Variants in AMACR observed in about 807,000 individuals in gnomAD.
AMACR encodes alpha-methylacyl-CoA racemase.
In AMACR, 18 loss-of-function variants were observed where a neutral mutation model predicts 22.2. The observed-to-expected ratio is 0.81, with a 90% CI of 0.56 to 1.20. The LOEUF (loss-of-function observed/expected upper bound fraction) is 1.20. AMACR is among the 50% of genes most tolerant of loss of function. AMACR has a pLI of 0.00. For synonymous variants in AMACR, 213 were observed against 191.3 expected, an observed-to-expected ratio of 1.11 and a Z score of -0.94; for missense variants, 499 against 490.6, an observed-to-expected ratio of 1.02 and a Z score of -0.16.
intron 3 of AMACR, among the ~76,000 whole-genome samples, chr5:34,002,892 A>T (rs1369769970): frequency 6.6e-6 from 1 of 152,176 alleles, no homozygotes; most frequent in African/African-American, 2.4e-5. Context: ...ACAGTGTCCC[A>T]CAGGCACACA....
Position 33,989,098 on chromosome 5 carries a change from G to A in AMACR, c.1144C>T (p.Leu382Phe). 1 of 1,614,094 alleles carries A rather than the reference G, an allele frequency of 6.2e-7. No individual in the cohort carries two copies. The highest frequency in any genetic ancestry group is 1.1e-5 in the South Asian group (1 of 91,012). The change falls in exon 5 of 5, where the codon CTC becomes TTC. Residue 382 changes from leucine to phenylalanine, a missense_variant. Physicochemically the swap from Leu to Phe is conservative, Grantham distance 22 (BLOSUM62 0). Coordinates refer to ENST00000335606, the MANE Select transcript of AMACR (RefSeq NM_014324.6). ...TTGAGCCGTGGGCCTGGAAGTTAGA[G>A]ACTAGCTTTTACCTTATTACTTTCA... The part of the protein sequence containing the change: ...IIESNKVKAS[L>F]
intron 4 of AMACR, among the ~76,000 whole-genome samples, chr5:33,996,779 AAAAC>A (rs1753649081): frequency 6.8e-6 from 1 of 147,428 alleles, no homozygotes; most frequent in Non-Finnish European, 1.5e-5. Context: ...CCCCTAGATT[AAAAC>A]AAACAAGCAA....
In AMACR at chr5:33,992,456, C is replaced by G. The variant is rs1387344746; in HGVS notation, c.740-2954G>C. Among the ~76,000 whole-genome samples the G allele has an allele frequency of 2.6e-5, 4 of 151,616 alleles. No individual in the cohort carries two copies. The East Asian group carries it at 7.8e-4, about 29-fold the overall frequency. On this transcript the variant is annotated intron_variant, in intron 4 of 4. Coordinates refer to ENST00000335606, the MANE Select transcript of AMACR (RefSeq NM_014324.6). ...GGTGTAGTGGCTCACGCCTGTAATC[C>G]CAGCACTTTGGAAGGCTGAGGCAGG...
In AMACR at chr5:33,989,324, A is replaced by T. The variant is rs769705590; in HGVS notation, c.918T>A (p.His306Gln). The T allele has an allele frequency of 6.2e-7, 1 of 1,614,194 alleles. No individual in the cohort carries two copies. Among genetic ancestry groups the T allele is most frequent in the Admixed American group, 1.7e-5 (1 of 60,022 alleles). The change falls in exon 5 of 5, where the codon CAT (histidine) becomes CAA (glutamine). Residue 306 changes from histidine to glutamine, a missense_variant. Physicochemically the swap from His to Gln is conservative, Grantham distance 24. Transcript: ENST00000335606. ...ACGAGCCCCGTTCCTTGTTGTGATC[A>T]TGATGAACAACCTCCTCAAAAGTCA... is the stretch of plus-strand genomic sequence containing the variant. Reference protein sequence around the residue: ...PVLTFEEVVHHDHNKERGSFI... With the variant: ...PVLTFEEVVHQDHNKERGSFI...
At chr5:33,993,990 A>C in intron 4 of AMACR, 1 of 451,244 alleles carries the variant, frequency 2.2e-6, no homozygotes. Flanking sequence ...AATGTCATAA[A>C]ATTCTCAGTG....
chr5:34,000,622 C>T (rs1324505030), intron 3 of AMACR, among the ~76,000 whole-genome samples: 2 of 151,998 alleles, frequency 1.3e-5, no homozygotes, highest in Non-Finnish European at 2.9e-5. Context: ...CTCAGATTCC[C>T]GAGTAGCGGG....
chr5:33,988,776 C>A lies in AMACR; in HGVS notation c.*317G>T. ...TATATCGATGTCTTCAAGAATATAT[C>A]ATTCCTTTTTCACTAGAACCCATTC... On this transcript the variant is annotated 3_prime_UTR_variant, in exon 5 of 5. Transcript: ENST00000335606. 1.6e-6 allele frequency: 2 copies of A among 1,232,512 alleles called. No homozygotes were observed. The highest frequency in any genetic ancestry group is 2.0e-5 in the South Asian group (1 of 49,470). The allele number at this position is 1,232,512 out of a possible 1,614,324, so 76.3% of individuals were successfully genotyped here. A position where few individuals can be genotyped will look rare whatever the true frequency, so the allele number is the denominator to read the frequency against.
chr5:33,993,320 A>C (rs901013780), intron 4 of AMACR, among the ~76,000 whole-genome samples: 5 of 151,930 alleles, frequency 3.3e-5, no homozygotes, highest in African/African-American at 1.2e-4. Context: ...TCATCCATTC[A>C]TCTGTTGATG....
At position 33,989,362 on chromosome 5, in the gene AMACR, C is replaced by A. The variant is rs1456833971; in HGVS notation, c.880G>T (p.Val294Leu). ...CQIFDGTDAC[V>L]TPVLTFEEVV... ...TCCTCAAAAGTCAGAACCGGAGTCA[C>A]ACAGGCATCTGTGCCGTCAAAGATT... The change falls in exon 5 of 5, where the codon GTG (valine) becomes TTG (leucine). Residue 294 changes from valine (V) to leucine (L), a missense_variant. Val to Leu is a conservative substitution (Grantham distance 32, BLOSUM62 1). Transcript: ENST00000335606. 6.2e-7 allele frequency: 1 copy of A among 1,614,212 alleles called. No individual in the cohort carries two copies. The highest frequency in any genetic ancestry group is 8.5e-7 in the Non-Finnish European group (1 of 1,180,044).
intron 4 of AMACR, among the ~76,000 whole-genome samples, chr5:33,993,787 T>C (rs1311042822): frequency 2.0e-5 from 3 of 151,998 alleles, no homozygotes; most frequent in Non-Finnish European, 4.4e-5. Flanking sequence ...TAATCCCAGC[T>C]ACTCAGGAGG....
At position 33,986,508 on chromosome 5, in the gene AMACR, A is replaced by G. The variant is rs1167059020; in HGVS notation, c.*2585T>C. ...ATTTGCTAAAGGAATTACTGAGTGA[A>G]TAAACCATACACACTGCATTTTGTG... On this transcript the variant is annotated 3_prime_UTR_variant, in exon 5 of 5. Coordinates refer to ENST00000335606, the MANE Select transcript of AMACR (RefSeq NM_014324.6). 6.6e-6 allele frequency: 1 copy of G among 152,238 alleles called. No individual in the cohort carries two copies. Among genetic ancestry groups the G allele is most frequent in the Non-Finnish European group, 1.5e-5 (1 of 68,040 alleles). 9.4% of individuals were successfully genotyped at this position (152,238 alleles called of 1,614,324 possible).
chr5:33,997,453 G>A (rs1306765737), intron 4 of AMACR: 4 of 778,872 alleles, frequency 5.1e-6, no homozygotes, highest in Middle Eastern at 2.2e-4. Flanking sequence ...ACACTGACGA[G>A]GGTTTGCCTT....
intron 3 of AMACR, among the ~76,000 whole-genome samples, chr5:33,999,289 T>A (rs1362401909): frequency 6.6e-6 from 1 of 152,170 alleles, no homozygotes; most frequent in African/African-American, 2.4e-5. Context: ...TAAAGGTAAA[T>A]CACATAAGAG....
chr5:33,990,147 T>C (rs1033821603), intron 4 of AMACR, among the ~76,000 whole-genome samples: 2 of 152,142 alleles, frequency 1.3e-5, no homozygotes, highest in Admixed American at 6.6e-5. Context: ...TCATCCATCA[T>C]CCATCCACCC....
chr5:33,998,569 A>G, intron 4 of AMACR, 72 bp downstream of exon 4: 1 of 1,484,238 alleles, frequency 6.7e-7, no homozygotes, highest in Non-Finnish European at 9.0e-7. Context: ...AGATGCCAAA[A>G]GTCTTTAAAA....
intron 4 of AMACR, among the ~76,000 whole-genome samples, chr5:33,994,389 G>C (rs758733045): frequency 6.6e-6 from 1 of 152,060 alleles, no homozygotes; most frequent in Admixed American, 6.6e-5. Context: ...ATGTTGCCCA[G>C]GCTGGTCTTG....
intron 1 of AMACR, 132 bp downstream of exon 1, chr5:34,007,641 T>C (rs998340904): frequency 1.9e-5 from 26 of 1,345,738 alleles, no homozygotes; most frequent in Non-Finnish European, 2.3e-5. Flanking sequence ...GGCAAAAATC[T>C]GGAAGGCTGG....
At chr5:33,993,942 G>A in intron 4 of AMACR, 2 of 400,330 alleles carry the variant, frequency 5.0e-6, no homozygotes, top group Non-Finnish European at 9.9e-6. Flanking sequence ...ATTATCTATT[G>A]CTTACCTGAT....
Position 33,988,353 on chromosome 5 carries a change from G to C in AMACR, c.*740C>G. The C allele has an allele frequency of 6.5e-7, 1 of 1,541,122 alleles. No homozygotes were observed. Among genetic ancestry groups the C allele is most frequent in the Non-Finnish European group, 8.7e-7 (1 of 1,148,864 alleles). On this transcript the variant is annotated 3_prime_UTR_variant, in exon 5 of 5. Transcript: ENST00000335606. ...GTGTTGGGTATAAGATCCAGAACTT[G>C]CTACCAGCCTGAGGAGAAATCAAAC...
Sources: allele counts gnomAD v4.1 joint callset (sites outside exome capture counted in the v4.1 genomes callset), GRCh38; gene constraint gnomAD v4.1.1; transcripts MANE v1.5; gene names NCBI Gene and HGNC (gene_info 2026-07-23, HGNC 2026-07-21).